RYR2: variants seen among roughly 807,000 people sequenced by gnomAD.
RYR2 encodes the protein cardiac muscle ryanodine receptor-calcium release channel.
A neutral mutation model predicts 601.1 loss-of-function variants in RYR2; 227 were observed. The observed-to-expected ratio is 0.38, with a 90% CI of 0.34 to 0.42. The LOEUF (loss-of-function observed/expected upper bound fraction) is 0.42. Ranked by LOEUF, RYR2 falls within the 10% of genes least tolerant of loss-of-function variation. RYR2 has a pLI of 1.00. For synonymous variants in RYR2, 2,223 were observed against 2,175.1 expected (o/e 1.02, Z -0.61); for missense variants, 4,646 against 6,156.5 (o/e 0.75, Z 8.21).
At chr1:237,302,540 T>G (rs1178101673) in intron 2 of RYR2, among the ~76,000 whole-genome samples, 2 of 152,186 alleles carry the variant, frequency 1.3e-5, no homozygotes, top group East Asian at 3.9e-4. Context: ...CTGGTGTCCC[T>G]GAATTATACA....
At chr1:237,153,377 T>G (rs1674951288) in intron 1 of RYR2, among the ~76,000 whole-genome samples, 1 of 152,196 alleles carries the variant, frequency 6.6e-6, no homozygotes, top group Non-Finnish European at 1.5e-5. Flanking sequence ...GGGTCTTCCC[T>G]AGAAAGTCTT....
At chr1:237,346,680 G>A (rs1294437134) in intron 3 of RYR2, among the ~76,000 whole-genome samples, 3 of 152,140 alleles carry the variant, frequency 2.0e-5, no homozygotes, top group African/African-American at 4.8e-5. Context: ...TGCAAAACCA[G>A]AGTAAAGTTA....
intron 96 of RYR2, 110 bp downstream of exon 96, chr1:237,795,441 A>T: frequency 1.8e-6 from 1 of 563,456 alleles, no homozygotes; most frequent in Non-Finnish European, 3.0e-6. Flanking sequence ...TCTGCCTATT[A>T]ATGTCTCCAT....
intron 17 of RYR2, among the ~76,000 whole-genome samples, chr1:237,478,684 G>A (rs957474868): frequency 2.6e-5 from 4 of 152,140 alleles, no homozygotes; most frequent in Non-Finnish European, 5.9e-5. Context: ...ACTTTATAAA[G>A]TGAATAATAT....
intron 24 of RYR2, among the ~76,000 whole-genome samples, chr1:237,515,902 T>TCCTCCCTCTTCTCCC (rs1558953267): frequency 1.4e-5 from 2 of 141,020 alleles, no homozygotes; most frequent in African/African-American, 5.3e-5. Context: ...CCTCTTCTCC[T>TCCTCCCTCTTCTCCC]TCTCCCTCTT....
At position 237,449,876 on chromosome 1, in the gene RYR2, G is replaced by A. The variant is rs190118024; in HGVS notation, c.1292+4354G>A. On this transcript the variant is annotated intron_variant, in intron 14 of 104. Coordinates refer to ENST00000366574, the MANE Select transcript of RYR2 (RefSeq NM_001035.3). The stretch of plus-strand genomic sequence containing the variant: ...AGACATTGTGAATTTGTTAGGTGCT[G>A]GCTATTTTTATATTCCTGTAAATAT... Among the ~76,000 whole-genome samples, 273 of 152,064 alleles carry A rather than the reference G, an allele frequency of 1.8e-3. 1 individual carries two copies. The highest frequency in any genetic ancestry group is 6.3e-3 in the African/African-American group (262 of 41,496).
At chr1:237,536,714 C>CAAAAAA (rs71561885) in intron 25 of RYR2, among the ~76,000 whole-genome samples, 1 of 54,420 alleles carries the variant, frequency 1.8e-5, no homozygotes, top group Non-Finnish European at 3.3e-5. Context: ...GATTCCGTCT[C>CAAAAAA]AAAAAAAAAA....
At chr1:237,705,627 G>T (rs2149051595) in intron 67 of RYR2, among the ~76,000 whole-genome samples, 1 of 152,236 alleles carries the variant, frequency 6.6e-6, no homozygotes, top group South Asian at 2.1e-4. Context: ...AGCTCCTAGA[G>T]GTAGAGTCAT....
intron 8 of RYR2, among the ~76,000 whole-genome samples, chr1:237,383,108 A>G (rs1044211420): frequency 2.0e-5 from 3 of 152,186 alleles, no homozygotes; most frequent in Non-Finnish European, 4.4e-5. Flanking sequence ...GATTCTTGGT[A>G]CGAAGTTTTT....
At chr1:237,143,049 C>T (rs1013237899) in intron 1 of RYR2, among the ~76,000 whole-genome samples, 1 of 152,166 alleles carries the variant, frequency 6.6e-6, no homozygotes, top group Non-Finnish European at 1.5e-5. Context: ...TTAAACTTAA[C>T]ATTCACAGTT....
chr1:237,269,758 G>C (rs181638993), intron 1 of RYR2, among the ~76,000 whole-genome samples: 2 of 152,130 alleles, frequency 1.3e-5, no homozygotes, highest in African/African-American at 4.8e-5. Context: ...GAGCTGGGAT[G>C]GGAATCCAGA....
At chr1:237,139,125 C>G (rs1673114783) in intron 1 of RYR2, among the ~76,000 whole-genome samples, 1 of 152,166 alleles carries the variant, frequency 6.6e-6, no homozygotes. Context: ...GAAAACAACT[C>G]AAATGTCCAT....
chr1:237,229,127 C>T (rs556307967), intron 1 of RYR2, among the ~76,000 whole-genome samples: 3 of 65,014 alleles, frequency 4.6e-5, no homozygotes, highest in South Asian at 5.5e-4. Context: ...GCTGTAGCAT[C>T]GCATCTTCTC....
At chr1:237,538,425 AAAGG>A in intron 25 of RYR2, among the ~76,000 whole-genome samples, 3 of 111,220 alleles carry the variant, frequency 2.7e-5, no homozygotes, top group Non-Finnish European at 3.7e-5. Context: ...AAAAAAAAAA[AAAGG>A]GAAGATGGTA....
At chr1:237,751,030 A>G (rs1692493647) in intron 80 of RYR2, among the ~76,000 whole-genome samples, 1 of 152,196 alleles carries the variant, frequency 6.6e-6, no homozygotes, top group Non-Finnish European at 1.5e-5. Context: ...TGAGTTTTCA[A>G]AATTCAAGTA....
At chr1:237,231,046 G>T (rs1429487878) in intron 1 of RYR2, among the ~76,000 whole-genome samples, 1 of 151,822 alleles carries the variant, frequency 6.6e-6, no homozygotes. Flanking sequence ...ATTTTAGCAT[G>T]GAGTGAGGAT....
intron 100 of RYR2, among the ~76,000 whole-genome samples, chr1:237,814,571 G>A (rs1661590815): frequency 6.7e-6 from 1 of 149,900 alleles, no homozygotes; most frequent in African/African-American, 2.5e-5. Flanking sequence ...TTTTTTTCCA[G>A]ATTAGGATGT....
chr1:237,228,554 G>A (rs944125291), intron 1 of RYR2, among the ~76,000 whole-genome samples: 1 of 152,062 alleles, frequency 6.6e-6, no homozygotes, highest in Non-Finnish European at 1.5e-5. Flanking sequence ...CCTTAAGGTC[G>A]CAGTTTCCAA....
chr1:237,216,972 C>T (rs186259212), intron 1 of RYR2, among the ~76,000 whole-genome samples: 8 of 152,286 alleles, frequency 5.3e-5, no homozygotes, highest in African/African-American at 1.7e-4. Context: ...CCAGCTCCTC[C>T]AGGGTACCTG....
Sources: gnomAD v4.1 joint callset for allele counts (sites outside exome capture counted in the v4.1 genomes callset) on GRCh38, gnomAD v4.1.1 for gene constraint, MANE v1.5 for transcripts, NCBI Gene and HGNC (gene_info 2026-07-23, HGNC 2026-07-21) for gene names.